SGCZ: variants seen among roughly 807,000 people sequenced by gnomAD.
The protein encoded by SGCZ is sarcoglycan zeta, also known as zeta-sarcoglycan.
In SGCZ, 40 loss-of-function variants were observed where a neutral mutation model predicts 41.3. The ratio of observed to expected loss-of-function variants is 0.97; its 90% CI spans 0.75 to 1.26. SGCZ has a LOEUF of 1.26. Among genes scored for constraint, SGCZ ranks in the 50% most tolerant of loss-of-function variants. SGCZ has a pLI of 0.00. For missense variants in SGCZ, 552 were observed against 369.8 expected (o/e 1.49, Z -4.04); for synonymous variants, 206 against 137.5 (o/e 1.50, Z -3.49).
intron 1 of SGCZ, among the ~76,000 whole-genome samples, chr8:14,798,723 A>G (rs935557926): frequency 1.9e-5 from 2 of 104,902 alleles, no homozygotes; most frequent in African/African-American, 6.7e-5. Context: ...CAATCACATT[A>G]TTTTCATTTT....
At chr8:14,746,197 A>T (rs1235255987) in intron 1 of SGCZ, among the ~76,000 whole-genome samples, 1 of 152,096 alleles carries the variant, frequency 6.6e-6, no homozygotes, top group African/African-American at 2.4e-5. Context: ...GTAGAGATTT[A>T]AAAAAATGGG....
At chr8:14,802,721 G>A (rs1369511292) in intron 1 of SGCZ, among the ~76,000 whole-genome samples, 1 of 152,170 alleles carries the variant, frequency 6.6e-6, no homozygotes, top group Non-Finnish European at 1.5e-5. Flanking sequence ...ATATTATGGT[G>A]TTTTAGCATG....
At chr8:14,566,784 G>A (rs1197686522) in intron 1 of SGCZ, among the ~76,000 whole-genome samples, 4 of 152,246 alleles carry the variant, frequency 2.6e-5, no homozygotes, top group African/African-American at 9.6e-5. Context: ...GCTGGCCAAG[G>A]CCGGAGCTGG....
At chr8:14,762,794 G>C (rs1235162639) in intron 1 of SGCZ, among the ~76,000 whole-genome samples, 3 of 152,096 alleles carry the variant, frequency 2.0e-5, no homozygotes, top group Non-Finnish European at 4.4e-5. Flanking sequence ...AGAAGTATTG[G>C]GCAAGCAAAC....
intron 2 of SGCZ, among the ~76,000 whole-genome samples, chr8:14,463,399 G>T (rs1396127357): frequency 7.7e-6 from 1 of 130,102 alleles, no homozygotes; most frequent in Admixed American, 7.9e-5. Flanking sequence ...TTTTTAACAA[G>T]TGGTGTAAAA....
At chr8:14,282,593 A>G (rs1800483774) in intron 3 of SGCZ, among the ~76,000 whole-genome samples, 1 of 152,042 alleles carries the variant, frequency 6.6e-6, no homozygotes, top group South Asian at 2.1e-4. Flanking sequence ...TCCTCAGCCA[A>G]CTTCTATGGT....
intron 1 of SGCZ, among the ~76,000 whole-genome samples, chr8:14,825,129 C>T (rs1802255903): frequency 6.6e-6 from 1 of 152,156 alleles, no homozygotes; most frequent in Non-Finnish European, 1.5e-5. Flanking sequence ...TACACTACTT[C>T]CTCTCTCTTA....
At chr8:15,121,022 G>C (rs1807458093) in intron 1 of SGCZ, among the ~76,000 whole-genome samples, 1 of 152,164 alleles carries the variant, frequency 6.6e-6, no homozygotes, top group Admixed American at 6.5e-5. Context: ...TTGGATAAGT[G>C]AGCCAACAGA....
At chr8:14,462,360 TTTAC>T (rs1447396401) in intron 2 of SGCZ, among the ~76,000 whole-genome samples, 1 of 152,038 alleles carries the variant, frequency 6.6e-6, no homozygotes, top group Non-Finnish European at 1.5e-5. Context: ...TTTAGTAAAA[TTTAC>T]TATCTTAAAT....
chr8:14,655,462 C>T (rs947346249), intron 1 of SGCZ, among the ~76,000 whole-genome samples: 1 of 152,106 alleles, frequency 6.6e-6, no homozygotes, highest in Non-Finnish European at 1.5e-5. Context: ...ATGGGAATGA[C>T]ATTTCCAATG....
intron 3 of SGCZ, among the ~76,000 whole-genome samples, chr8:14,281,218 G>A: frequency 6.6e-6 from 1 of 151,594 alleles, no homozygotes; most frequent in East Asian, 1.9e-4. Flanking sequence ...TATATAATTG[G>A]CACAAAATAT....
At chr8:14,841,550 T>C (rs1802915946) in intron 1 of SGCZ, among the ~76,000 whole-genome samples, 1 of 152,192 alleles carries the variant, frequency 6.6e-6, no homozygotes, top group Admixed American at 6.5e-5. Flanking sequence ...TTTTAAATAG[T>C]AGGTTTCCAT....
chr8:14,533,384 G>A (rs1024200325), intron 2 of SGCZ, among the ~76,000 whole-genome samples: 1 of 151,918 alleles, frequency 6.6e-6, no homozygotes, highest in Admixed American at 6.6e-5. Flanking sequence ...AGGCTCAGTG[G>A]AAATCTTTTA....
At chr8:14,682,942 C>T (rs537316077) in intron 1 of SGCZ, among the ~76,000 whole-genome samples, 22 of 152,218 alleles carry the variant, frequency 1.4e-4, no homozygotes, top group Non-Finnish European at 2.5e-4. Flanking sequence ...AAAGTCAACA[C>T]CTCTGAATCT....
intron 7 of SGCZ, among the ~76,000 whole-genome samples, chr8:14,094,841 G>C (rs189340954): frequency 1.0e-3 from 154 of 152,264 alleles, no homozygotes; most frequent in African/African-American, 3.3e-3. Context: ...ACTGGCGTGA[G>C]ATGGTATCTC....
chr8:15,188,999 T>A lies in SGCZ; in HGVS notation c.39+48586A>T, dbSNP rs547561239. On this transcript the variant is annotated intron_variant, in intron 1 of 7. Coordinates refer to ENST00000382080, the MANE Select transcript of SGCZ (RefSeq NM_139167.4). ...CTCATTCATTAAATATCAAAAAAAA[T>A]AGATATGCTCACAGAGATGGAAGAA... is the stretch of plus-strand genomic sequence containing the variant. 1.3e-3 allele frequency among the ~76,000 whole-genome samples: 199 copies of A among 152,166 alleles called. 4 individuals carry two copies. The South Asian group carries it at 0.014, about 10-fold the overall frequency.
intron 1 of SGCZ, among the ~76,000 whole-genome samples, chr8:14,907,302 C>T (rs565671236): frequency 1.3e-5 from 2 of 152,070 alleles, no homozygotes; most frequent in East Asian, 1.9e-4. Flanking sequence ...TCAAGGGATC[C>T]TCTCACCTCA....
chr8:14,247,339 C>T (rs1799138582), intron 3 of SGCZ, among the ~76,000 whole-genome samples: 1 of 152,072 alleles, frequency 6.6e-6, no homozygotes, highest in Non-Finnish European at 1.5e-5. Flanking sequence ...TCTCTTTCTC[C>T]CAACCGATAA....
chr8:14,428,141 T>C (rs1585497693), intron 2 of SGCZ, among the ~76,000 whole-genome samples: 1 of 149,492 alleles, frequency 6.7e-6, no homozygotes, highest in East Asian at 2.0e-4. Flanking sequence ...CACATATATA[T>C]ATATATATAC....
Sources: allele counts gnomAD v4.1 joint callset (sites outside exome capture counted in the v4.1 genomes callset), GRCh38; gene constraint gnomAD v4.1.1; transcripts MANE v1.5; gene names NCBI Gene and HGNC (gene_info 2026-07-23, HGNC 2026-07-21).